DYTN: variants seen among roughly 807,000 people sequenced by gnomAD.
The protein encoded by DYTN is dystrotelin.
Under a neutral mutation model 69.6 loss-of-function variants are expected in DYTN, and 75 were observed. That is an observed-to-expected ratio of 1.08 (90% CI 0.89 to 1.31). DYTN has a LOEUF of 1.31. Ranked by LOEUF, DYTN falls within the 50% of genes most tolerant of loss-of-function variation. The pLI, the probability that DYTN is intolerant of heterozygous loss-of-function variation, is 0.00. For synonymous variants in DYTN, 252 were observed against 249.1 expected, an observed-to-expected ratio of 1.01 and a Z score of -0.11; for missense variants, 726 against 688.4, an observed-to-expected ratio of 1.05 and a Z score of -0.61.
At chr2:206,680,733 A>G (rs1699742542) in intron 9 of DYTN, among the ~76,000 whole-genome samples, 1 of 152,138 alleles carries the variant, frequency 6.6e-6, no homozygotes, top group Non-Finnish European at 1.5e-5. Context: ...TAAATACCCT[A>G]TTCTAAAGTG....
intron 9 of DYTN, among the ~76,000 whole-genome samples, chr2:206,680,456 A>G (rs1699738808): frequency 6.6e-6 from 1 of 152,178 alleles, no homozygotes; most frequent in African/African-American, 2.4e-5. Flanking sequence ...ATCAATATGT[A>G]TTTTAAATGT....
At chr2:206,656,295 G>A (rs1301191792) in intron 11 of DYTN, among the ~76,000 whole-genome samples, 2 of 151,998 alleles carry the variant, frequency 1.3e-5, no homozygotes, top group Non-Finnish European at 2.9e-5. Flanking sequence ...TATAACTATA[G>A]CCACCCCTGC....
chr2:206,669,555 G>A (rs1288346181), intron 9 of DYTN, among the ~76,000 whole-genome samples: 2 of 152,078 alleles, frequency 1.3e-5, no homozygotes, highest in Admixed American at 1.3e-4. Context: ...TACAAATGCT[G>A]TAAATAGTAG....
chr2:206,670,286 A>C (rs1382056177), intron 9 of DYTN, among the ~76,000 whole-genome samples: 3 of 152,208 alleles, frequency 2.0e-5, no homozygotes, highest in Non-Finnish European at 2.9e-5. Flanking sequence ...TAGCCTGGTC[A>C]TTTTTGTTAT....
chr2:206,705,411 T>C (rs1700015457), intron 4 of DYTN, among the ~76,000 whole-genome samples: 1 of 152,198 alleles, frequency 6.6e-6, no homozygotes, highest in Non-Finnish European at 1.5e-5. Flanking sequence ...ATGATTTTTG[T>C]AATAACCGTA....
chr2:206,706,487 A>T lies in DYTN; in HGVS notation c.297-614T>A, dbSNP rs563662153. Among the ~76,000 whole-genome samples the T allele has an allele frequency of 1.1e-3, 141 of 133,422 alleles. 6 individuals are homozygous for T. The South Asian group carries it at 0.033, about 32-fold the overall frequency. The allele number at this position is 133,422 out of a possible 152,430, so 87.5% of individuals were successfully genotyped here. A position where few individuals can be genotyped will look rare whatever the true frequency, so the allele number is the denominator to read the frequency against. On this transcript the variant is annotated intron_variant, in intron 3 of 11. Transcript: ENST00000452335. Reference sequence around the variant, plus strand: ...TATGTATATATTGTTTGGGCAGTTAAAAAAAATTAAAAAAAAAAAAAACTA... The same window carrying T: ...TATGTATATATTGTTTGGGCAGTTATAAAAAATTAAAAAAAAAAAAAACTA...
At chr2:206,714,727 G>A (rs1700111394) in intron 1 of DYTN, among the ~76,000 whole-genome samples, 1 of 152,136 alleles carries the variant, frequency 6.6e-6, no homozygotes, top group Non-Finnish European at 1.5e-5. Flanking sequence ...AGGGAGACCA[G>A]CCACAGGTGT....
rs1700020143 is a variant in DYTN, at chr2:206,705,869, C to A, written c.301G>T (p.Gly101Ter). 1 of 1,613,516 alleles carries A rather than the reference C, an allele frequency of 6.2e-7. No homozygotes were observed. The highest frequency in any genetic ancestry group is 8.5e-7 in the Non-Finnish European group (1 of 1,179,746). The change falls in exon 4 of 12, where the codon GGA becomes TGA. Residue 101 changes from glycine (G) to a stop codon, truncating the protein, a stop_gained. Transcript: ENST00000452335. LOFTEE classifies it high-confidence loss of function. ...GGCATAAGCTGGAGAAAACCTGTTC[C>A]TTTGCTGCACAGTAACAAAATACAG... ...SLLTTMYNSK[G>*]TGFLQLMPAA...
At chr2:206,671,851 T>G (rs1699632986) in intron 9 of DYTN, among the ~76,000 whole-genome samples, 1 of 152,232 alleles carries the variant, frequency 6.6e-6, no homozygotes, top group East Asian at 1.9e-4. Flanking sequence ...GAATAGACAC[T>G]ATGGTTTATT....
intron 1 of DYTN, among the ~76,000 whole-genome samples, chr2:206,717,498 C>A (rs1275829415): frequency 5.3e-5 from 8 of 152,120 alleles, no homozygotes; most frequent in African/African-American, 1.9e-4. Flanking sequence ...CTGATGCATG[C>A]TAATTTTGAG....
At chr2:206,690,708 G>A (rs1699854700) in intron 9 of DYTN, among the ~76,000 whole-genome samples, 1 of 152,372 alleles carries the variant, frequency 6.6e-6, no homozygotes. Flanking sequence ...AAGAGGGAGT[G>A]AAATCAGATT....
At chr2:206,680,473 A>T (rs1220462000) in intron 9 of DYTN, among the ~76,000 whole-genome samples, 1 of 152,126 alleles carries the variant, frequency 6.6e-6, no homozygotes, top group Non-Finnish European at 1.5e-5. Flanking sequence ...ATGTTTTTTT[A>T]AAAAACAAGG....
At chr2:206,709,356 G>GAAGGATGGCTTCAGCCT (rs1382151332) in intron 2 of DYTN, among the ~76,000 whole-genome samples, 1 of 152,114 alleles carries the variant, frequency 6.6e-6, no homozygotes, top group Non-Finnish European at 1.5e-5. Context: ...GGTTGAGGTG[G>GAAGGATGGCTTCAGCCT]AAGGATGGCT....
At chr2:206,699,449 A>G (rs1395455824) in intron 7 of DYTN, among the ~76,000 whole-genome samples, 1 of 152,172 alleles carries the variant, frequency 6.6e-6, no homozygotes, top group Non-Finnish European at 1.5e-5. Flanking sequence ...ATAAAGCAAA[A>G]CAAAACAAAG....
chr2:206,689,273 G>A (rs78310923), intron 9 of DYTN, among the ~76,000 whole-genome samples: 1,645 of 152,296 alleles, frequency 0.011, 14 homozygotes, highest in Non-Finnish European at 0.017. Flanking sequence ...ATCATTGAAC[G>A]AATTCAATAT....
intron 9 of DYTN, among the ~76,000 whole-genome samples, chr2:206,666,550 T>A (rs1699574156): frequency 6.6e-6 from 1 of 152,156 alleles, no homozygotes; most frequent in African/African-American, 2.4e-5. Flanking sequence ...TCCTTTTGTC[T>A]AGAAATACTC....
At chr2:206,656,834 T>C (rs6749661) in intron 11 of DYTN, among the ~76,000 whole-genome samples, 32,525 of 150,850 alleles carry the variant, frequency 0.22, 4,061 homozygotes, top group African/African-American at 0.34. Context: ...ATGATCTTGG[T>C]TCACCGCAAC....
chr2:206,717,596 G>A (rs562575676), intron 1 of DYTN, among the ~76,000 whole-genome samples: 27 of 152,258 alleles, frequency 1.8e-4, no homozygotes, highest in African/African-American at 6.5e-4. Context: ...TAATATGAGA[G>A]CCCAAATTTG....
Position 206,710,613 on chromosome 2 carries a change from TA to T in DYTN, c.20-16del. On this transcript the variant is annotated splice_polypyrimidine_tract_variant and intron_variant, in intron 1 of 11. Transcript: ENST00000452335. ...ATTAAGAGCATCTGTAAAGAAAACG[TA>T]AAATATTATGAATAAAGTCTCTCTC... 6.4e-7 allele frequency: 1 copy of T among 1,564,708 alleles called. No homozygotes were observed. The highest frequency in any genetic ancestry group is 8.7e-7 in the Non-Finnish European group (1 of 1,145,694).
Sources: allele counts gnomAD v4.1 joint callset (sites outside exome capture counted in the v4.1 genomes callset), GRCh38; gene constraint gnomAD v4.1.1; transcripts MANE v1.5; gene names NCBI Gene and HGNC (gene_info 2026-07-23, HGNC 2026-07-21).